The following RGS22 variants were observed in gnomAD, a reference collection of about 807,000 sequenced individuals.
RGS22 encodes regulator of G-protein signaling 22.
RGS22 carries 148 observed loss-of-function variants against 172.9 expected under a neutral mutation model. The observed-to-expected ratio is 0.86, with a 90% confidence interval of 0.75 to 0.98. The LOEUF (loss-of-function observed/expected upper bound fraction) is 0.98, where lower values mean the gene tolerates loss of function less well. Among genes scored for constraint, RGS22 ranks in the 50% least tolerant of loss-of-function variants. RGS22 has a pLI of 0.00. For synonymous variants in RGS22, 458 were observed against 480.2 expected (o/e 0.95, Z 0.60); for missense variants, 1,347 against 1,440.8 (o/e 0.93, Z 1.05).
intron 6 of RGS22, among the ~76,000 whole-genome samples, chr8:100,067,727 C>T (rs1257284408): frequency 1.3e-5 from 2 of 149,706 alleles, no homozygotes; most frequent in African/African-American, 5.0e-5. Flanking sequence ...TGGGTTCAAG[C>T]AATTCTCCCA....
intron 3 of RGS22, among the ~76,000 whole-genome samples, chr8:100,081,691 T>C (rs908927645): frequency 9.2e-5 from 14 of 152,046 alleles, no homozygotes; most frequent in South Asian, 2.1e-4. Flanking sequence ...CCCTAAACTA[T>C]GCTATCACTT....
chr8:100,046,374 T>C (rs1393504135), intron 11 of RGS22: 1 of 152,034 alleles, frequency 6.6e-6, no homozygotes, highest in Non-Finnish European at 1.5e-5. Context: ...ATTCAGCTTT[T>C]CTGTCAACTC....
At chr8:100,079,199 A>G (rs1056449889) in intron 4 of RGS22, among the ~76,000 whole-genome samples, 3 of 152,202 alleles carry the variant, frequency 2.0e-5, no homozygotes, top group Non-Finnish European at 4.4e-5. Flanking sequence ...CCCACCTAGT[A>G]AAAAATTTTT....
chr8:100,078,159 T>A (rs923373462), intron 4 of RGS22, among the ~76,000 whole-genome samples: 1 of 152,166 alleles, frequency 6.6e-6, no homozygotes, highest in Non-Finnish European at 1.5e-5. Context: ...TGGGATTTTT[T>A]TAAAAAATCA....
At chr8:100,094,137 C>T (rs779638100) in intron 2 of RGS22, among the ~76,000 whole-genome samples, 2 of 152,154 alleles carry the variant, frequency 1.3e-5, no homozygotes, top group African/African-American at 2.4e-5. Flanking sequence ...CCAACATAGC[C>T]ACTTTTCAAA....
At chr8:100,001,114 ATTAT>A (rs1293569781) in intron 18 of RGS22, among the ~76,000 whole-genome samples, 2 of 150,442 alleles carry the variant, frequency 1.3e-5, no homozygotes, top group African/African-American at 4.9e-5. Flanking sequence ...AATTATGATA[ATTAT>A]TTATATTTCA....
At chr8:100,047,620 G>C in intron 10 of RGS22, 24 bp from the exon 11 acceptor site, 13 of 1,592,758 alleles carry the variant, frequency 8.2e-6, no homozygotes, top group Non-Finnish European at 1.1e-5. Context: ...ACATAAGCAA[G>C]ATGAAAATGA....
chr8:99,996,484 T>A lies in RGS22; in HGVS notation c.2996A>T (p.Glu999Val). The A allele has an allele frequency of 6.2e-7, 1 of 1,613,588 alleles. No homozygotes were observed. The highest frequency in any genetic ancestry group is 8.5e-7 in the Non-Finnish European group (1 of 1,179,674). The change falls in exon 20 of 28, where the codon GAA becomes GTA. Residue 999 changes from glutamate to valine, a missense_variant. Physicochemically the swap from Glu to Val is moderately radical, Grantham distance 121. Transcript: ENST00000360863. ...TGCCTTCCAGACCCCGATTTTCTTT[T>A]CAGCCTTCTGTAGTAAGAGCTCTTC... ...IAEELLLQKA[E>V]KKIGVWKPVE...
chr8:100,020,543 A>C (rs1208414047), intron 14 of RGS22, among the ~76,000 whole-genome samples: 2 of 152,186 alleles, frequency 1.3e-5, no homozygotes, highest in African/African-American at 4.8e-5. Context: ...GTAACATTAG[A>C]GAAAAAATGG....
chr8:100,067,847 A>G (rs1272382791), intron 6 of RGS22, among the ~76,000 whole-genome samples: 1 of 151,538 alleles, frequency 6.6e-6, no homozygotes, highest in Non-Finnish European at 1.5e-5. Context: ...CTGGTCTGGA[A>G]CTCCTGACCT....
chr8:99,962,006 A>G (rs1020846799), intron 27 of RGS22, among the ~76,000 whole-genome samples: 8 of 152,200 alleles, frequency 5.3e-5, no homozygotes, highest in African/African-American at 1.9e-4. Flanking sequence ...CTAGTATCCA[A>G]TCAAAACTGT....
intron 10 of RGS22, among the ~76,000 whole-genome samples, chr8:100,052,451 G>A (rs1166091979): frequency 1.3e-5 from 2 of 151,100 alleles, no homozygotes; most frequent in Non-Finnish European, 2.9e-5. Flanking sequence ...ACAGGCGCCC[G>A]CCACCATGCC....
intron 4 of RGS22, among the ~76,000 whole-genome samples, chr8:100,075,691 T>TAGAAA (rs1335482110): frequency 6.6e-6 from 1 of 152,210 alleles, no homozygotes; most frequent in Non-Finnish European, 1.5e-5. Flanking sequence ...TGAACATTTG[T>TAGAAA]ATATAAGTTT....
chr8:99,976,248 T>C (rs1331433937), intron 23 of RGS22, among the ~76,000 whole-genome samples: 1 of 152,134 alleles, frequency 6.6e-6, no homozygotes, highest in Non-Finnish European at 1.5e-5. Context: ...TATGGCAGAC[T>C]GAACAGACTA....
intron 19 of RGS22, 123 bp from the exon 20 acceptor site, chr8:99,996,653 G>A: frequency 1.2e-6 from 1 of 824,892 alleles, no homozygotes; most frequent in Non-Finnish European, 1.9e-6. Context: ...TGAAGTTTAG[G>A]AGAAAGAGGA....
intron 23 of RGS22, among the ~76,000 whole-genome samples, chr8:99,968,497 A>T (rs1810996595): frequency 6.6e-6 from 1 of 152,128 alleles, no homozygotes. Context: ...AAAAGGTTAC[A>T]GGAACTGCTA....
chr8:100,062,772 C>CAT lies in RGS22; in HGVS notation c.1353-22_1353-21dup. 2.6e-6 allele frequency: 4 copies of CAT among 1,566,760 alleles called. No homozygotes were observed. The highest frequency in any genetic ancestry group is 1.1e-5 in the South Asian group (1 of 87,086). On this transcript the variant is annotated intron_variant, in intron 8 of 27. Coordinates refer to ENST00000360863, the MANE Select transcript of RGS22 (RefSeq NM_015668.5). ...AGATGTCTGAAATAAAACACATTTCCATATATACACACACACATTGGTAGA... is the reference window on the plus strand; with the variant it reads ...AGATGTCTGAAATAAAACACATTTCCATATATATACACACACACATTGGTAGA...
At chr8:100,091,637 T>C (rs575907739) in intron 3 of RGS22, among the ~76,000 whole-genome samples, 184 of 152,326 alleles carry the variant, frequency 1.2e-3, no homozygotes, top group Non-Finnish European at 2.2e-3. Context: ...CCAAAACAAG[T>C]TGATGTAATC....
chr8:100,063,629 A>C lies in RGS22; in HGVS notation c.1139T>G (p.Ile380Arg). The C allele has an allele frequency of 6.2e-7, 1 of 1,614,096 alleles. No individual in the cohort carries two copies. The highest frequency in any genetic ancestry group is 8.5e-7 in the Non-Finnish European group (1 of 1,180,002). ...VQTTKERSEE[I>R]EQTSLSSKNE... ...CTTTGAACTTAAACTTGTTTGTTCT[A>C]TCTCTTCTGACCTCTCCTTTGTAGT... Residue 380 changes from isoleucine to arginine, a missense_variant, in exon 8 of 28, where the codon ATA (isoleucine) becomes AGA (arginine). Ile to Arg is a moderately conservative substitution (Grantham distance 97). Coordinates refer to ENST00000360863, the MANE Select transcript of RGS22 (RefSeq NM_015668.5).
Sources: allele counts gnomAD v4.1 joint callset (sites outside exome capture counted in the v4.1 genomes callset), GRCh38; gene constraint gnomAD v4.1.1; transcripts MANE v1.5; gene names NCBI Gene and HGNC (gene_info 2026-07-23, HGNC 2026-07-21).